The following AOPEP variants were observed in gnomAD, a reference collection of about 807,000 sequenced individuals.
AOPEP encodes aminopeptidase O (putative).
A neutral mutation model predicts 98.1 loss-of-function variants in AOPEP; 77 were observed. That is an observed-to-expected ratio of 0.78 (90% CI 0.65 to 0.95). AOPEP has a LOEUF of 0.95. AOPEP is among the 40% of genes least tolerant of loss of function. The pLI is 0.00. For missense variants in AOPEP, 1,024 were observed against 1,024.7 expected (o/e 1.00, Z 0.01); for synonymous variants, 346 against 365.3 (o/e 0.95, Z 0.60).
At chr9:95,143,013 A>G in the AOPEP span, among the ~76,000 whole-genome samples, 28 of 152,196 alleles carry the variant, frequency 1.8e-4, no homozygotes, top group African/African-American at 1.7e-4. Context: ...TCAGATGCCA[A>G]TCACAGGTCT....
At chr9:94,742,492 G>A (rs1401577981) in intron 1 of AOPEP, among the ~76,000 whole-genome samples, 1 of 151,262 alleles carries the variant, frequency 6.6e-6, no homozygotes, top group African/African-American at 2.4e-5. Flanking sequence ...TGAGTGCAGT[G>A]GCGCGATCCT....
chr9:94,890,727 T>G (rs2048790520), intron 5 of AOPEP, among the ~76,000 whole-genome samples: 1 of 152,240 alleles, frequency 6.6e-6, no homozygotes, highest in African/African-American at 2.4e-5. Context: ...GATCCATGCA[T>G]TATTATGTGT....
intron 14 of AOPEP, among the ~76,000 whole-genome samples, chr9:95,071,843 T>G (rs773328853): frequency 3.3e-5 from 5 of 152,230 alleles, no homozygotes; most frequent in Non-Finnish European, 7.3e-5. Context: ...ACAGTGCCCC[T>G]TTTTAATGAG....
chr9:95,037,625 G>A (rs957951692), intron 13 of AOPEP, among the ~76,000 whole-genome samples: 1 of 152,116 alleles, frequency 6.6e-6, no homozygotes, highest in African/African-American at 2.4e-5. Flanking sequence ...TATTGCTGAA[G>A]GACTTAGGAA....
chr9:94,955,851 A>AT lies in AOPEP; in HGVS notation c.1765-50dup, dbSNP rs2058414744. On this transcript the variant is annotated intron_variant, in intron 8 of 16. Coordinates refer to ENST00000375315, the MANE Select transcript of AOPEP (RefSeq NM_001193329.3). ...GTTAGGTAGGGCTGACTATATAACC[A>AT]TTTTTTTATGAACTCATGGTAGGCC... 46 of 1,277,990 alleles carry AT rather than the reference A, an allele frequency of 3.6e-5. No homozygotes were observed. The South Asian group carries it at 5.3e-4, about 15-fold the overall frequency. 79.2% of individuals were successfully genotyped at this position (1,277,990 alleles called of 1,614,324 possible). A position where few individuals can be genotyped will look rare whatever the true frequency, so the allele number is the denominator to read the frequency against.
At chr9:94,962,957 G>C (rs1206740206) in intron 9 of AOPEP, among the ~76,000 whole-genome samples, 9 of 151,974 alleles carry the variant, frequency 5.9e-5, no homozygotes, top group Admixed American at 2.6e-4. Flanking sequence ...TGTTAACCAG[G>C]ATGGTCTCGA....
intron 5 of AOPEP, among the ~76,000 whole-genome samples, chr9:94,827,518 A>G (rs186484319): frequency 1.9e-4 from 29 of 152,190 alleles, no homozygotes; most frequent in African/African-American, 6.0e-4. Context: ...TCTCTAACTT[A>G]TCATGAGGAC....
chr9:94,874,754 C>CT (rs1175785490), intron 5 of AOPEP, among the ~76,000 whole-genome samples: 1 of 152,124 alleles, frequency 6.6e-6, no homozygotes, highest in African/African-American at 2.4e-5. Flanking sequence ...CATGCTACGA[C>CT]TCAAAAACCA....
chr9:94,906,578 G>A (rs2051183833), intron 5 of AOPEP, among the ~76,000 whole-genome samples: 1 of 152,032 alleles, frequency 6.6e-6, no homozygotes, highest in Non-Finnish European at 1.5e-5. Context: ...TGAGGTAGGA[G>A]GATTGCTTGA....
intron 5 of AOPEP, among the ~76,000 whole-genome samples, chr9:94,851,146 G>A (rs7847277): frequency 0.42 from 63,801 of 152,004 alleles, 13,800 homozygotes; most frequent in East Asian, 0.51. Flanking sequence ...AAGACCCATC[G>A]TCGCTTAGGC....
chr9:95,040,148 G>T (rs1157775506), intron 13 of AOPEP, among the ~76,000 whole-genome samples: 5 of 152,178 alleles, frequency 3.3e-5, no homozygotes, highest in Admixed American at 6.5e-5. Context: ...ACAGTCAGGG[G>T]ACCCTGAGGC....
chr9:94,907,872 T>C (rs2051403594), intron 5 of AOPEP, among the ~76,000 whole-genome samples: 1 of 152,212 alleles, frequency 6.6e-6, no homozygotes. Flanking sequence ...TGGGCCTCTT[T>C]CCTCATTTGC....
At position 94,760,315 on chromosome 9, in the gene AOPEP, G is replaced by A. The variant is rs1191903547; in HGVS notation, c.532G>A (p.Val178Ile). 13 of 1,614,050 alleles carry A rather than the reference G, an allele frequency of 8.1e-6. No homozygotes were observed. Among genetic ancestry groups the A allele is most frequent in the Non-Finnish European group, 1.1e-5 (13 of 1,180,032 alleles). Reference sequence around the variant, plus strand: ...ATTTACAAGGTCTCCTGAGCTCACGGTTGTTTCTGAGGAGTTCAGGAATCA... The same window carrying A: ...ATTTACAAGGTCTCCTGAGCTCACGATTGTTTCTGAGGAGTTCAGGAATCA... ...EKFTRSPELTVVSEEFRNQIV... is the reference protein window; with the variant it reads ...EKFTRSPELTIVSEEFRNQIV... The change falls in exon 2 of 17, where the codon GTT becomes ATT. Residue 178 changes from valine (V) to isoleucine (I), a missense_variant. Transcript: ENST00000375315.
rs2061948630 is a variant in AOPEP, at chr9:95,005,589, C to G, written c.2088C>G (p.Arg696=). ...GVNRRPRKRK[R]REKEEVFEKL... ...ACCGGAGACCCCGAAAACGGAAGCG[C>G]AGGGAGAAGGAAGAGGTGTTTGAAA... Residue 696 remains arginine, a synonymous_variant, in exon 13 of 17, where the codon CGC becomes CGG. Transcript: ENST00000375315. 2 of 1,613,854 alleles carry G rather than the reference C, an allele frequency of 1.2e-6. No individual in the cohort carries two copies. The highest frequency in any genetic ancestry group is 2.2e-5 in the South Asian group (2 of 91,056).
rs567412537 is a variant in AOPEP, at chr9:94,759,571, A to G, written c.-135-78A>G. 5.6e-6 allele frequency: 3 copies of G among 539,264 alleles called. No individual in the cohort carries two copies. In the African/African-American group the frequency reaches 5.7e-5, roughly 10 times the overall value. The allele number at this position is 539,264 out of a possible 1,614,324, so 33.4% of individuals were successfully genotyped here. ...GGGGATTATTTAAGGATGGTGGTCA[A>G]CTTGCAGGAGCAGCAGTTGCAGGAG... On this transcript the variant is annotated intron_variant, in intron 1 of 16. Coordinates refer to ENST00000375315, the MANE Select transcript of AOPEP (RefSeq NM_001193329.3).
chr9:94,996,169 A>G (rs1182255287), intron 11 of AOPEP, among the ~76,000 whole-genome samples: 1 of 152,182 alleles, frequency 6.6e-6, no homozygotes, highest in East Asian at 1.9e-4. Flanking sequence ...AACATCCTAC[A>G]AAAAGTGAAG....
chr9:94,838,222 G>C (rs1412575218), intron 5 of AOPEP, among the ~76,000 whole-genome samples: 1 of 152,148 alleles, frequency 6.6e-6, no homozygotes, highest in Non-Finnish European at 1.5e-5. Flanking sequence ...CATTAGCCAG[G>C]CTGGTCTTGA....
At chr9:95,111,084 T>C in the AOPEP span, 3 of 1,514,654 alleles carry the variant, frequency 2.0e-6, no homozygotes, top group South Asian at 1.2e-5. Flanking sequence ...GACAGGGCCC[T>C]GGCTGTGGCC....
At chr9:95,007,793 T>C (rs1045386132) in intron 13 of AOPEP, among the ~76,000 whole-genome samples, 1 of 152,220 alleles carries the variant, frequency 6.6e-6, no homozygotes, top group Admixed American at 6.5e-5. Flanking sequence ...AGGCAAAACA[T>C]GCGATATTTC....
Sources: allele counts gnomAD v4.1 joint callset (sites outside exome capture counted in the v4.1 genomes callset), GRCh38; gene constraint gnomAD v4.1.1; transcripts MANE v1.5; gene names NCBI Gene and HGNC (gene_info 2026-07-23, HGNC 2026-07-21).